The following GIPC1 variants were observed in gnomAD, a reference collection of about 807,000 sequenced individuals.
GIPC1 encodes the protein PDZ domain-containing protein GIPC1.
GIPC1 carries 15 observed loss-of-function variants against 28.5 expected under a neutral mutation model. The ratio of observed to expected loss-of-function variants is 0.53; its 90% confidence interval spans 0.35 to 0.81. The LOEUF (loss-of-function observed/expected upper bound fraction) is 0.81. Among genes scored for constraint, GIPC1 ranks in the 30% least tolerant of loss-of-function variants. The probability of loss-of-function intolerance (pLI) is 0.01; values close to 1 mark genes in which losing one functional copy is unlikely to be tolerated. For synonymous variants in GIPC1, 224 were observed against 206.1 expected, an observed-to-expected ratio of 1.09 and a Z score of -0.74; for missense variants, 439 against 481.9, an observed-to-expected ratio of 0.91 and a Z score of 0.83.
chr19:14,479,081 A>G (rs1328389635), intron 7 of GIPC1, among the ~76,000 whole-genome samples: 2 of 152,168 alleles, frequency 1.3e-5, no homozygotes, highest in African/African-American at 2.4e-5. Flanking sequence ...GCGGTGGCTC[A>G]TGCCTATAAT....
intron 1 of GIPC1, among the ~76,000 whole-genome samples, chr19:14,493,642 T>C (rs1300862129): frequency 6.6e-6 from 1 of 151,802 alleles, no homozygotes; most frequent in Non-Finnish European, 1.5e-5. Context: ...ATTTTTATTT[T>C]GTATTTGTTT....
intron 3 of GIPC1, among the ~76,000 whole-genome samples, chr19:14,486,712 C>CTTTT (rs35491814): frequency 6.2e-4 from 77 of 124,712 alleles, no homozygotes; most frequent in African/African-American, 8.7e-4. Context: ...TTCTTTCTTT[C>CTTTT]TTTTTTTTTT....
chr19:14,485,591 G>A (rs568612837), intron 3 of GIPC1, among the ~76,000 whole-genome samples: 1 of 150,890 alleles, frequency 6.6e-6, no homozygotes, highest in Non-Finnish European at 1.5e-5. Flanking sequence ...ACGAAGGTTG[G>A]CAGTGAGCAG....
intron 1 of GIPC1, among the ~76,000 whole-genome samples, chr19:14,494,643 A>C (rs1304277597): frequency 1.3e-5 from 2 of 152,112 alleles, no homozygotes; most frequent in African/African-American, 2.4e-5. Flanking sequence ...GCAGGTGCTC[A>C]CTAAATATTT....
At chr19:14,484,489 T>TA (rs1391171648) in intron 3 of GIPC1, among the ~76,000 whole-genome samples, 2 of 151,050 alleles carry the variant, frequency 1.3e-5, no homozygotes, top group Non-Finnish European at 2.9e-5. Flanking sequence ...CTCATGCCTG[T>TA]AATCCCAGCA....
chr19:14,482,086 G>C (rs2071740935), intron 4 of GIPC1: 1 of 150,740 alleles, frequency 6.6e-6, no homozygotes, highest in Non-Finnish European at 1.5e-5. Context: ...CTGTAGAGGT[G>C]CAGGCCTCTC....
rs576222119 is a variant in GIPC1, at chr19:14,480,472, C to G, written c.488G>C (p.Gly163Ala). The G allele has an allele frequency of 2.5e-6, 4 of 1,611,934 alleles. No individual in the cohort carries two copies. The South Asian group carries it at 3.3e-5, about 13-fold the overall frequency. Residue 163 changes from glycine (G) to alanine (A), a missense_variant, in exon 6 of 9, where the codon GGC (glycine) becomes GCC (alanine). Transcript: ENST00000393033. ...GYAFIKRIKE[G>A]SVIDHIHLIS... Reference sequence around the variant, plus strand: ...GAGGTGGATGTGGTCGATCACGCTGCCCTCCTTGATGCGCTGCGGGGGCGG... The same window carrying G: ...GAGGTGGATGTGGTCGATCACGCTGGCCTCCTTGATGCGCTGCGGGGGCGG...
chr19:14,484,951 C>CT (rs1029493778), intron 3 of GIPC1, among the ~76,000 whole-genome samples: 52 of 151,088 alleles, frequency 3.4e-4, no homozygotes, highest in African/African-American at 1.2e-3. Flanking sequence ...CCTGAGGTCA[C>CT]GAGTTGGAGA....
chr19:14,490,987 A>AG (rs2071961102), intron 3 of GIPC1, among the ~76,000 whole-genome samples: 2 of 149,224 alleles, frequency 1.3e-5, no homozygotes, highest in Non-Finnish European at 3.0e-5. Context: ...AAAAAAAAAA[A>AG]AAGAAAGAAA....
intron 4 of GIPC1, 198 bp downstream of exon 4, chr19:14,482,491 C>A: frequency 1.6e-6 from 1 of 617,794 alleles, no homozygotes; most frequent in African/African-American, 1.8e-5. Context: ...CAGTTCCCCA[C>A]AATTCACAGG....
In GIPC1 at chr19:14,491,753, A is replaced by G. The variant is rs941694549; in HGVS notation, c.-118-10T>C. 2.6e-5 allele frequency: 4 copies of G among 152,368 alleles called. No individual in the cohort carries two copies. In the Middle Eastern group the frequency reaches 0.01, roughly 389 times the overall value. 9.4% of individuals were successfully genotyped at this position (152,368 alleles called of 1,614,324 possible). The stretch of plus-strand genomic sequence containing the variant: ...AGCAGCCAGAATGGTCCTGTAAAAC[A>G]TAAGTCATGTCGCATTTGTCTCTGC... On this transcript the variant is annotated splice_polypyrimidine_tract_variant and intron_variant, in intron 2 of 8. Coordinates refer to ENST00000393033, the MANE Select transcript of GIPC1 (RefSeq NM_005716.4).
intron 3 of GIPC1, among the ~76,000 whole-genome samples, chr19:14,485,698 TATATAGAGAGAGAGAGAGAGAG>T (rs1313919820): frequency 2.8e-4 from 24 of 85,090 alleles, no homozygotes; most frequent in African/African-American, 3.8e-4. Context: ...TATATATATA[TATATAGAGAGAGAGAGAGAGAG>T]AGAGAGAGAG....
chr19:14,484,556 C>CTGT (rs1181990249), intron 3 of GIPC1, among the ~76,000 whole-genome samples: 1 of 150,728 alleles, frequency 6.6e-6, no homozygotes, highest in African/African-American at 2.4e-5. Context: ...CCAGCCTGGC[C>CTGT]AACATAGTGA....
intron 4 of GIPC1, chr19:14,481,030 G>C (rs1362778362): frequency 2.0e-5 from 9 of 460,436 alleles, no homozygotes; most frequent in Non-Finnish European, 3.5e-5. Context: ...GAGTGCAGTG[G>C]TGCCATCATA....
chr19:14,480,211 C>G, intron 6 of GIPC1, 94 bp downstream of exon 6: 1 of 1,095,214 alleles, frequency 9.1e-7, no homozygotes. Context: ...TTCGGCAGGC[C>G]AGGCTTGGGC....
At chr19:14,490,974 C>CAAAA (rs111731833) in intron 3 of GIPC1, among the ~76,000 whole-genome samples, 23 of 113,008 alleles carry the variant, frequency 2.0e-4, no homozygotes, top group Admixed American at 3.9e-4. Flanking sequence ...GACTCCATCT[C>CAAAA]AAAAAAAAAA....
chr19:14,482,619 T>C, intron 4 of GIPC1, 70 bp downstream of exon 4: 4 of 1,460,044 alleles, frequency 2.7e-6, no homozygotes, highest in Admixed American at 1.8e-5. Context: ...CCCCAGCTCA[T>C]GAACAGGATG....
intron 3 of GIPC1, among the ~76,000 whole-genome samples, chr19:14,485,677 A>G (rs1343207248): frequency 2.5e-5 from 3 of 118,536 alleles, no homozygotes; most frequent in Non-Finnish European, 5.4e-5. Flanking sequence ...AAATAAATAA[A>G]TAAACAAATA....
In GIPC1 at chr19:14,485,702, TAGAGAG is replaced by T. The variant is rs747570310; in HGVS notation, c.-30-2702_-30-2697del. ...ATAAACAAATATATATATATATATA[TAGAGAG>T]AGAGAGAGAGAGAGAGAGAGAGAGA... On this transcript the variant is annotated intron_variant, in intron 3 of 8. Coordinates refer to ENST00000393033, the MANE Select transcript of GIPC1 (RefSeq NM_005716.4). Among the ~76,000 whole-genome samples the T allele has an allele frequency of 2.6e-3, 153 of 58,742 alleles. 1 individual carries two copies. Among genetic ancestry groups the T allele is most frequent in the African/African-American group, 5.4e-3 (94 of 17,514 alleles). 38.5% of individuals were successfully genotyped at this position (58,742 alleles called of 152,430 possible).
Sources: allele counts gnomAD v4.1 joint callset (sites outside exome capture counted in the v4.1 genomes callset), GRCh38; gene constraint gnomAD v4.1.1; transcripts MANE v1.5; gene names NCBI Gene and HGNC (gene_info 2026-07-23, HGNC 2026-07-21).